SLC22A2: variants seen among roughly 807,000 people sequenced by gnomAD.
SLC22A2 encodes the protein organic cation transporter 2.
A neutral mutation model predicts 60.5 loss-of-function variants in SLC22A2; 46 were observed. The observed-to-expected ratio is 0.76, with a 90% CI of 0.60 to 0.97. The LOEUF (loss-of-function observed/expected upper bound fraction) is 0.97. Among genes scored for constraint, SLC22A2 ranks in the 50% least tolerant of loss-of-function variants. The pLI is 0.00. For synonymous variants in SLC22A2, 303 were observed against 267.0 expected, an observed-to-expected ratio of 1.13 and a Z score of -1.31; for missense variants, 701 against 706.6, an observed-to-expected ratio of 0.99 and a Z score of 0.09.
chr6:160,253,064 G>T (rs1398853331), intron 2 of SLC22A2, among the ~76,000 whole-genome samples: 1 of 152,160 alleles, frequency 6.6e-6, no homozygotes, highest in Non-Finnish European at 1.5e-5. Context: ...GCTTAGCCTG[G>T]GAGGGTTCTT....
intron 10 of SLC22A2, among the ~76,000 whole-genome samples, chr6:160,221,862 T>C (rs1782649083): frequency 6.6e-6 from 1 of 152,148 alleles, no homozygotes; most frequent in Admixed American, 6.5e-5. Context: ...CCATCACAGA[T>C]ATGATAATAA....
Position 160,256,644 on chromosome 6 carries a change from C to A in SLC22A2, c.488G>T (p.Gly163Val). ...QSSVNVGFFI[G>V]SMSIGYIADR... ...TGCTATGTAGCCGATACTCATAGAG[C>A]CAATAAAGAATCCTACATTCACTGA... Residue 163 changes from glycine (G) to valine (V), a missense_variant, in exon 2 of 11, where the codon GGC (glycine) becomes GTC (valine). By Grantham distance (109) the Gly-to-Val change is moderately radical. Transcript: ENST00000366953. The A allele has an allele frequency of 3.7e-6, 6 of 1,613,770 alleles. No homozygotes were observed. The highest frequency in any genetic ancestry group is 5.1e-6 in the Non-Finnish European group (6 of 1,179,722).
chr6:160,228,195 A>C (rs1782757530), intron 9 of SLC22A2, among the ~76,000 whole-genome samples: 1 of 152,166 alleles, frequency 6.6e-6, no homozygotes, highest in Non-Finnish European at 1.5e-5. Context: ...TCTGGATCGG[A>C]CACCTTTCCA....
rs201017690 is a variant in SLC22A2, at chr6:160,247,228, G to T, written c.913C>A (p.His305Asn). 1.2e-6 allele frequency: 2 copies of T among 1,613,492 alleles called. No individual in the cohort carries two copies. The highest frequency in any genetic ancestry group is 2.2e-5 in the East Asian group (1 of 44,868). ...KNAEAMRIIK[H>N]IAKKNGKSLP... ...GATTTTCCATTTTTCTTTGCGATGT[G>T]CTTAATGATTCTCATGGCTTCAGCA... The change falls in exon 5 of 11, where the codon CAC becomes AAC. Residue 305 changes from histidine to asparagine, a missense_variant. Coordinates refer to ENST00000366953, the MANE Select transcript of SLC22A2 (RefSeq NM_003058.4).
At chr6:160,231,226 G>T (rs1782818867) in intron 9 of SLC22A2, among the ~76,000 whole-genome samples, 1 of 151,566 alleles carries the variant, frequency 6.6e-6, no homozygotes, top group Non-Finnish European at 1.5e-5. Context: ...TCTTTTTTCA[G>T]TTATCCCCAC....
At chr6:160,227,800 A>G (rs1782747241) in intron 9 of SLC22A2, among the ~76,000 whole-genome samples, 1 of 152,218 alleles carries the variant, frequency 6.6e-6, no homozygotes, top group South Asian at 2.1e-4. Flanking sequence ...CACAAGATAC[A>G]GCTCATAAAG....
At chr6:160,243,912 C>T in intron 6 of SLC22A2, 126 bp from the exon 7 acceptor site, 1 of 637,500 alleles carries the variant, frequency 1.6e-6, no homozygotes, top group Non-Finnish European at 2.7e-6. Flanking sequence ...TTGCTAGTCC[C>T]CCATCCCACT....
At chr6:160,224,402 T>C (rs1782690891) in intron 10 of SLC22A2, among the ~76,000 whole-genome samples, 1 of 152,146 alleles carries the variant, frequency 6.6e-6, no homozygotes, top group Non-Finnish European at 1.5e-5. Context: ...TAGCTTATAG[T>C]AGTTGTTTAA....
Position 160,250,657 on chromosome 6 carries a change from A to G in SLC22A2, c.564T>C (p.Ala188=). ...LCLLTTVLIN[A]AAGVLMAISP... ...AAATGGCCATGAGAACTCCAGCTGCAGCATTTATGAGGACTGTAGTTAGGA... is the reference window on the plus strand; with the variant it reads ...AAATGGCCATGAGAACTCCAGCTGCGGCATTTATGAGGACTGTAGTTAGGA... Residue 188 remains alanine (A), a synonymous_variant, in exon 3 of 11, where the codon GCT becomes GCC. Coordinates refer to ENST00000366953, the MANE Select transcript of SLC22A2 (RefSeq NM_003058.4). 1 of 1,614,158 alleles carries G rather than the reference A, an allele frequency of 6.2e-7. No individual in the cohort carries two copies. The highest frequency in any genetic ancestry group is 1.1e-5 in the South Asian group (1 of 91,084).
intron 3 of SLC22A2, among the ~76,000 whole-genome samples, chr6:160,249,889 G>A (rs1783155689): frequency 6.6e-6 from 1 of 152,212 alleles, no homozygotes; most frequent in Non-Finnish European, 1.5e-5. Context: ...TGGCTGGCAG[G>A]AACTGGTTTT....
At chr6:160,247,399 G>C in intron 4 of SLC22A2, 101 bp from the exon 5 acceptor site, 3 of 684,168 alleles carry the variant, frequency 4.4e-6, no homozygotes, top group Non-Finnish European at 7.9e-6. Context: ...TAATACAGTT[G>C]GATCTCCAAA....
chr6:160,245,989 T>A (rs1156734973), intron 5 of SLC22A2, among the ~76,000 whole-genome samples: 1 of 151,284 alleles, frequency 6.6e-6, no homozygotes, highest in Non-Finnish European at 1.5e-5. Context: ...TGCCTCAGCC[T>A]CCTGAGTAGC....
At position 160,222,613 on chromosome 6, in the gene SLC22A2, G is replaced by A. The variant is rs150053209; in HGVS notation, c.1601+2092C>T. Reference sequence around the variant, plus strand: ...TGTCTTTGACGGGAGGTGCCCATGTGTGTGGGAAGCTGCATGGGGAGAGGG... The same window carrying A: ...TGTCTTTGACGGGAGGTGCCCATGTATGTGGGAAGCTGCATGGGGAGAGGG... On this transcript the variant is annotated intron_variant, in intron 10 of 10. Transcript: ENST00000366953. Among the ~76,000 whole-genome samples the A allele has an allele frequency of 4.3e-3, 658 of 152,306 alleles. 6 individuals are homozygous for A. Among genetic ancestry groups the A allele is most frequent in the African/African-American group, 0.015 (634 of 41,566 alleles).
intron 9 of SLC22A2, 63 bp downstream of exon 9, chr6:160,241,411 A>C: frequency 2.0e-6 from 2 of 1,001,804 alleles, no homozygotes; most frequent in Non-Finnish European, 3.2e-6. Flanking sequence ...ATGAAGTAGA[A>C]GAGAAGTGAA....
intron 10 of SLC22A2, among the ~76,000 whole-genome samples, chr6:160,222,845 ATCT>A (rs991542183): frequency 1.3e-5 from 2 of 152,202 alleles, no homozygotes; most frequent in East Asian, 3.8e-4. Flanking sequence ...GTGTTACCAA[ATCT>A]TCTGCTTTTT....
chr6:160,229,031 T>G (rs78909785), intron 9 of SLC22A2, among the ~76,000 whole-genome samples: 1 of 151,924 alleles, frequency 6.6e-6, no homozygotes, highest in African/African-American at 2.4e-5. Flanking sequence ...TGGTGGTCTC[T>G]TCACATGGAC....
rs763402163 is a variant in SLC22A2 at position 160,241,576 on chromosome 6, C to T, written c.1399G>A (p.Val467Ile). Residue 467 changes from valine to isoleucine, a missense_variant, in exon 9 of 11, where the codon GTC (valine) becomes ATC (isoleucine). By Grantham distance (29) the Val-to-Ile change is conservative. Coordinates refer to ENST00000366953, the MANE Select transcript of SLC22A2 (RefSeq NM_003058.4). ...TCACACATTGAGGAACAGATGTGGA[C>T]GCCAAGATTCCTAGAATGCAGGAAA... ...LYPTFIRNLG[V>I]HICSSMCDIG... The T allele has an allele frequency of 1.3e-5, 21 of 1,610,062 alleles. No individual in the cohort carries two copies. Among genetic ancestry groups the T allele is most frequent in the South Asian group, 3.3e-5 (3 of 90,968 alleles).
intron 2 of SLC22A2, among the ~76,000 whole-genome samples, chr6:160,253,832 T>C (rs990080335): frequency 2.0e-5 from 3 of 152,210 alleles, no homozygotes; most frequent in Non-Finnish European, 2.9e-5. Context: ...TGCACACTTC[T>C]AGCCAACTCT....
Position 160,243,548 on chromosome 6 carries a change from A to G in SLC22A2, c.1279+24T>C. The G allele has an allele frequency of 3.3e-6, 5 of 1,518,364 alleles. 1 individual carries two copies. The South Asian group carries it at 5.6e-5, about 17-fold the overall frequency. The allele number at this position is 1,518,364 out of a possible 1,614,324, so 94.1% of individuals were successfully genotyped here. Reference sequence around the variant, plus strand: ...CTTTCTCCAGGGTCTTGGAGATAAGACTCCAACTTCACCTGAAACTTACCA... The same window carrying G: ...CTTTCTCCAGGGTCTTGGAGATAAGGCTCCAACTTCACCTGAAACTTACCA... On this transcript the variant is annotated intron_variant, in intron 7 of 10. Coordinates refer to ENST00000366953, the MANE Select transcript of SLC22A2 (RefSeq NM_003058.4).
Sources: gnomAD v4.1 joint callset for allele counts (sites outside exome capture counted in the v4.1 genomes callset) on GRCh38, gnomAD v4.1.1 for gene constraint, MANE v1.5 for transcripts, NCBI Gene and HGNC (gene_info 2026-07-23, HGNC 2026-07-21) for gene names.